RBFOX1: variants seen among roughly 807,000 people sequenced by gnomAD.
RBFOX1 encodes the protein RNA binding fox-1 homolog 1.
In RBFOX1, 8 loss-of-function variants were observed where a neutral mutation model predicts 57.7. The observed-to-expected ratio is 0.14, with a 90% CI of 0.08 to 0.25. The LOEUF is 0.25. Among genes scored for constraint, RBFOX1 ranks in the 10% least tolerant of loss-of-function variants. The pLI, the probability that RBFOX1 is intolerant of heterozygous loss-of-function variation, is 1.00. For missense variants in RBFOX1, 611 were observed against 548.5 expected (o/e 1.11, Z -1.14); for synonymous variants, 326 against 222.4 (o/e 1.47, Z -4.15).
At chr16:7,064,161 CTTTTTTT>C (rs869135535) in intron 4 of RBFOX1, among the ~76,000 whole-genome samples, 2 of 96,830 alleles carry the variant, frequency 2.1e-5, no homozygotes, top group East Asian at 3.2e-4. Context: ...GACTGGTGTT[CTTTTTTT>C]TTTTTTTTTT....
At chr16:6,550,357 A>G (rs1373970995) in intron 2 of RBFOX1, among the ~76,000 whole-genome samples, 5 of 152,000 alleles carry the variant, frequency 3.3e-5, no homozygotes, top group African/African-American at 4.8e-5. Flanking sequence ...TTATATTTTC[A>G]TTACAGACAA....
chr16:7,077,798 T>C (rs1164237571), intron 4 of RBFOX1, among the ~76,000 whole-genome samples: 2 of 152,192 alleles, frequency 1.3e-5, no homozygotes, highest in African/African-American at 2.4e-5. Context: ...AAATGAGGTT[T>C]TGATATAAAC....
intron 3 of RBFOX1, among the ~76,000 whole-genome samples, chr16:6,792,821 G>C (rs2083225455): frequency 6.6e-6 from 1 of 152,088 alleles, no homozygotes. Context: ...ATGACGTCAG[G>C]AGTTCAAGAC....
At chr16:5,618,857 G>A (rs193097293) in intron 3 of RBFOX1, among the ~76,000 whole-genome samples, 203 of 152,316 alleles carry the variant, frequency 1.3e-3, no homozygotes, top group Middle Eastern at 6.8e-3. Flanking sequence ...GGATACCAGT[G>A]GGTGTCAGAT....
chr16:7,696,091 G>A (rs998082109), intron 14 of RBFOX1, among the ~76,000 whole-genome samples: 1 of 152,118 alleles, frequency 6.6e-6, no homozygotes, highest in African/African-American at 2.4e-5. Context: ...CAACACATCT[G>A]GTCTGCTTTT....
At chr16:5,439,688 A>T (rs935901238) in intron 1 of RBFOX1, among the ~76,000 whole-genome samples, 1 of 151,908 alleles carries the variant, frequency 6.6e-6, no homozygotes, top group Non-Finnish European at 1.5e-5. Context: ...CAAGTGATTC[A>T]CCCGCCTTGA....
chr16:7,075,534 C>T (rs892308672), intron 4 of RBFOX1, among the ~76,000 whole-genome samples: 2 of 152,052 alleles, frequency 1.3e-5, no homozygotes, highest in African/African-American at 4.8e-5. Context: ...AATAAAAGCC[C>T]ACACAACTTT....
At chr16:6,307,700 TTA>T (rs1252506280) in intron 1 of RBFOX1, among the ~76,000 whole-genome samples, 2 of 147,344 alleles carry the variant, frequency 1.4e-5, no homozygotes, top group South Asian at 4.3e-4. Context: ...TGATAATCAT[TTA>T]TGTTATTTAT....
chr16:7,214,413 C>A (rs569028365), intron 4 of RBFOX1, among the ~76,000 whole-genome samples: 1 of 152,104 alleles, frequency 6.6e-6, no homozygotes, highest in Non-Finnish European at 1.5e-5. Context: ...ATTCCTCTCT[C>A]ATGGGCAGAC....
At chr16:5,349,699 G>A (rs2065220711) in intron 1 of RBFOX1, among the ~76,000 whole-genome samples, 1 of 152,074 alleles carries the variant, frequency 6.6e-6, no homozygotes, top group Non-Finnish European at 1.5e-5. Context: ...TGTCAAGAGA[G>A]TACATTTCAT....
intron 5 of RBFOX1, among the ~76,000 whole-genome samples, chr16:7,559,679 C>G (rs998645528): frequency 1.5e-4 from 23 of 152,202 alleles, no homozygotes; most frequent in South Asian, 8.3e-4. Context: ...ATTTTCATGA[C>G]TTGTGTCTAC....
intron 2 of RBFOX1, among the ~76,000 whole-genome samples, chr16:5,500,195 T>TC (rs1555451054): frequency 8.6e-5 from 11 of 127,884 alleles, no homozygotes; most frequent in African/African-American, 2.1e-4. Context: ...CTCCCTCCCT[T>TC]CATTCCATTC....
chr16:7,230,041 A>G (rs1200918220), intron 4 of RBFOX1, among the ~76,000 whole-genome samples: 2 of 54,934 alleles, frequency 3.6e-5, no homozygotes, highest in African/African-American at 5.3e-5. Context: ...AGGAAGGGAG[A>G]GAGAGGAAGG....
intron 4 of RBFOX1, among the ~76,000 whole-genome samples, chr16:7,443,787 T>A (rs2098788224): frequency 1.3e-5 from 2 of 152,202 alleles, no homozygotes; most frequent in South Asian, 4.1e-4. Flanking sequence ...TTGCTCCTAT[T>A]TTATACATTA....
intron 1 of RBFOX1, among the ~76,000 whole-genome samples, chr16:6,311,533 C>A: frequency 1.3e-5 from 2 of 152,224 alleles, no homozygotes; most frequent in East Asian, 3.9e-4. Context: ...AATGCCTACG[C>A]CTGATGGCAG....
intron 14 of RBFOX1, among the ~76,000 whole-genome samples, chr16:7,698,049 C>T (rs964974225): frequency 6.6e-6 from 1 of 152,018 alleles, no homozygotes; most frequent in African/African-American, 2.4e-5. Context: ...GTTAAACAGG[C>T]CAAGTGTGTT....
chr16:6,607,955 C>G (rs11644972), intron 2 of RBFOX1, among the ~76,000 whole-genome samples: 28,497 of 152,136 alleles, frequency 0.19, 3,134 homozygotes, highest in Admixed American at 0.27. Flanking sequence ...CAGCTATGAG[C>G]TTGACCTAAA....
intron 2 of RBFOX1, among the ~76,000 whole-genome samples, chr16:6,386,782 T>C (rs1365437273): frequency 6.6e-6 from 1 of 152,138 alleles, no homozygotes; most frequent in Non-Finnish European, 1.5e-5. Context: ...TCTCTGGGGA[T>C]CTACTATTTC....
intron 2 of RBFOX1, among the ~76,000 whole-genome samples, chr16:6,613,461 T>G (rs2098097648): frequency 6.6e-6 from 1 of 152,074 alleles, no homozygotes; most frequent in African/African-American, 2.4e-5. Flanking sequence ...CCCCTTAAAG[T>G]CTTCCGCTCC....
Sources: allele counts gnomAD v4.1 joint callset (sites outside exome capture counted in the v4.1 genomes callset), GRCh38; gene constraint gnomAD v4.1.1; transcripts MANE v1.5; gene names NCBI Gene and HGNC (gene_info 2026-07-23, HGNC 2026-07-21).